Variants in NTN1 observed in about 807,000 individuals in gnomAD.
The protein encoded by NTN1 is netrin-1.
Under a neutral mutation model 54.2 loss-of-function variants are expected in NTN1, and 11 were observed. The ratio of observed to expected loss-of-function variants is 0.20; its 90% confidence interval spans 0.13 to 0.34. NTN1 has a LOEUF of 0.34. Among genes scored for constraint, NTN1 ranks in the 10% least tolerant of loss-of-function variants. The pLI is 1.00. For synonymous variants in NTN1, 371 were observed against 382.0 expected (o/e 0.97, Z 0.33); for missense variants, 740 against 893.1 (o/e 0.83, Z 2.18).
intron 6 of NTN1, among the ~76,000 whole-genome samples, chr17:9,222,295 C>T (rs980196561): frequency 3.9e-5 from 6 of 152,220 alleles, no homozygotes; most frequent in Non-Finnish European, 7.3e-5. Flanking sequence ...TAACTGACCC[C>T]AGGAGGTGCA....
intron 2 of NTN1, among the ~76,000 whole-genome samples, chr17:9,088,020 C>T (rs1448080668): frequency 1.3e-5 from 2 of 152,176 alleles, no homozygotes; most frequent in Non-Finnish European, 2.9e-5. Context: ...CACTGCTGTC[C>T]TTCCTCCCCA....
chr17:9,137,740 GCCGAGATCGCGCCACTGCACTCCAGT>G (rs1235274555), intron 2 of NTN1, among the ~76,000 whole-genome samples: 4 of 151,986 alleles, frequency 2.6e-5, no homozygotes, highest in Admixed American at 6.6e-5. Flanking sequence ...GTTTCAGTGA[GCCGAGATCGCGCCACTGCACTCCAGT>G]CTAGGTGACA....
chr17:9,140,644 C>T lies in NTN1; in HGVS notation c.1019-22169C>T, dbSNP rs141413588. On this transcript the variant is annotated intron_variant, in intron 2 of 6. Transcript: ENST00000173229. ...TGAAAAGTCCAACAGGAGTTGGCCA[C>T]GCAAAATGTAAACCCTAAAGCACTG... 1.8e-4 allele frequency among the ~76,000 whole-genome samples: 27 copies of T among 152,214 alleles called. No individual in the cohort carries two copies. In the East Asian group the frequency reaches 4.1e-3, roughly 23 times the overall value.
At chr17:9,190,390 A>G (rs1252228611) in intron 5 of NTN1, among the ~76,000 whole-genome samples, 3 of 152,238 alleles carry the variant, frequency 2.0e-5, no homozygotes, top group Non-Finnish European at 4.4e-5. Flanking sequence ...CACGATTCCT[A>G]AATTCAGCCA....
At chr17:9,106,878 AC>A (rs2092169238) in intron 2 of NTN1, among the ~76,000 whole-genome samples, 1 of 147,840 alleles carries the variant, frequency 6.8e-6, no homozygotes, top group African/African-American at 2.5e-5. Context: ...CATCATCATC[AC>A]AGCACAGATC....
At chr17:9,095,700 G>A (rs1030388524) in intron 2 of NTN1, among the ~76,000 whole-genome samples, 1 of 152,184 alleles carries the variant, frequency 6.6e-6, no homozygotes, top group African/African-American at 2.4e-5. Context: ...AGACTGATTT[G>A]ATCAACTTAA....
At chr17:9,217,135 G>T (rs946084201) in intron 5 of NTN1, among the ~76,000 whole-genome samples, 1 of 152,032 alleles carries the variant, frequency 6.6e-6, no homozygotes, top group East Asian at 1.9e-4. Context: ...CCTCCCTGGA[G>T]GAGGGATCGT....
intron 5 of NTN1, among the ~76,000 whole-genome samples, chr17:9,196,091 T>G (rs55956782): frequency 0.12 from 18,600 of 152,114 alleles, 1,337 homozygotes; most frequent in East Asian, 0.23. Context: ...GGAGGCCACT[T>G]TGGCCACCAG....
intron 6 of NTN1, among the ~76,000 whole-genome samples, chr17:9,226,756 C>G (rs375104658): frequency 2.0e-5 from 3 of 152,144 alleles, no homozygotes; most frequent in East Asian, 3.9e-4. Context: ...TTGGAGGGAC[C>G]CTTCCTCTGC....
chr17:9,076,401 C>G (rs1294597706), intron 2 of NTN1, among the ~76,000 whole-genome samples: 1 of 152,174 alleles, frequency 6.6e-6, no homozygotes, highest in African/African-American at 2.4e-5. Context: ...TAGAGACGGT[C>G]TCACCCTGTC....
chr17:9,096,366 C>CCTTTTTTTTTTTTTTTTTTTTTT lies in NTN1; in HGVS notation c.1019-66447_1019-66446insCTTTTTTTTTTTTTTTTTTTTTT, dbSNP rs55880198. Among the ~76,000 whole-genome samples, 6 of 91,510 alleles carry CCTTTTTTTTTTTTTTTTTTTTTT rather than the reference C, an allele frequency of 6.6e-5. 3 individuals are homozygous for CCTTTTTTTTTTTTTTTTTTTTTT. The highest frequency in any genetic ancestry group is 8.1e-5 in the Non-Finnish European group (4 of 49,116). 60.0% of individuals were successfully genotyped at this position (91,510 alleles called of 152,430 possible). On this transcript the variant is annotated intron_variant, in intron 2 of 6. Transcript: ENST00000173229. ...TGTCTTCCTGGGTTTTATGGGTAGA[C>CCTTTTTTTTTTTTTTTTTTTTTT]TTTTTTTTTTTTTTTTTTTTTTGAG...
At position 9,239,529 on chromosome 17, in the gene NTN1, G is replaced by C. The variant is rs56235417; in HGVS notation, c.1487-111G>C. On this transcript the variant is annotated intron_variant, in intron 6 of 6. Transcript: ENST00000173229. This position sits in a 1 kb window ranked among gnomAD's most constrained non-coding sequence, Gnocchi z 5.2. Reference sequence around the variant, plus strand: ...CACGCGCTCCTGTATGGGCCACTCTGTGCAGTCACTTCCTGGGGCTGGGTC... The same window carrying C: ...CACGCGCTCCTGTATGGGCCACTCTCTGCAGTCACTTCCTGGGGCTGGGTC... The C allele has an allele frequency of 0.16, 164,767 of 1,060,408 alleles. 13,101 individuals are homozygous for C. Among genetic ancestry groups the C allele is most frequent in the East Asian group, 0.18 (7,256 of 39,956 alleles). The allele number at this position is 1,060,408 out of a possible 1,614,324, so 65.7% of individuals were successfully genotyped here.
At chr17:9,106,541 T>C (rs1380826854) in intron 2 of NTN1, among the ~76,000 whole-genome samples, 1 of 143,802 alleles carries the variant, frequency 7.0e-6, no homozygotes, top group Admixed American at 7.0e-5. Flanking sequence ...TTCGACAGAG[T>C]CTCGCTCTGT....
chr17:9,007,312 C>A, the NTN1 span, among the ~76,000 whole-genome samples: 2 of 126,796 alleles, frequency 1.6e-5, no homozygotes, highest in African/African-American at 6.8e-5. Flanking sequence ...TCTTTCCCTT[C>A]TTTTCCTTTC....
intron 2 of NTN1, among the ~76,000 whole-genome samples, chr17:9,050,780 G>A (rs1364409298): frequency 6.6e-6 from 1 of 151,866 alleles, no homozygotes; most frequent in Non-Finnish European, 1.5e-5. Context: ...GGATGACCAT[G>A]TCTATGTCCT....
chr17:9,030,506 G>T (rs1280959922), intron 2 of NTN1, among the ~76,000 whole-genome samples: 1 of 152,216 alleles, frequency 6.6e-6, no homozygotes, highest in Non-Finnish European at 1.5e-5. Flanking sequence ...CAGCACTTTG[G>T]GAGGCTGAGG....
At chr17:9,227,339 AGACT>A (rs1312877428) in intron 6 of NTN1, among the ~76,000 whole-genome samples, 2 of 150,160 alleles carry the variant, frequency 1.3e-5, no homozygotes, top group African/African-American at 2.5e-5. Context: ...ACAGATACAC[AGACT>A]ATCAGTCACA....
At chr17:9,178,058 G>A (rs1270074399) in intron 3 of NTN1, among the ~76,000 whole-genome samples, 1 of 152,184 alleles carries the variant, frequency 6.6e-6, no homozygotes, top group Non-Finnish European at 1.5e-5. Context: ...TTAGCTGGGT[G>A]TGATGGTGGG....
the NTN1 span, among the ~76,000 whole-genome samples, chr17:9,004,949 T>C: frequency 6.6e-6 from 1 of 152,176 alleles, no homozygotes; most frequent in Non-Finnish European, 1.5e-5. Flanking sequence ...TCCGTACTAC[T>C]CATCAACTTC....
Sources: allele counts gnomAD v4.1 joint callset (sites outside exome capture counted in the v4.1 genomes callset), GRCh38; gene constraint gnomAD v4.1.1; non-coding constraint Gnocchi (gnomAD v3.1); transcripts MANE v1.5; gene names NCBI Gene and HGNC (gene_info 2026-07-23, HGNC 2026-07-21).